Variants in ANAPC7 observed in about 807,000 individuals in gnomAD.
The protein encoded by ANAPC7 is anaphase promoting complex subunit 7, also known as anaphase-promoting complex subunit 7.
In ANAPC7, 25 loss-of-function variants were observed where a neutral mutation model predicts 63.3. The ratio of observed to expected loss-of-function variants is 0.39; its 90% CI spans 0.29 to 0.55. The LOEUF (loss-of-function observed/expected upper bound fraction) is 0.55. Ranked by LOEUF, ANAPC7 falls within the 20% of genes least tolerant of loss-of-function variation. The pLI, the probability that ANAPC7 is intolerant of heterozygous loss-of-function variation, is 0.57. For synonymous variants in ANAPC7, 241 were observed against 251.7 expected, an observed-to-expected ratio of 0.96 and a Z score of 0.40; for missense variants, 516 against 691.7, an observed-to-expected ratio of 0.75 and a Z score of 2.85.
chr12:110,387,740 A>T lies in ANAPC7; in HGVS notation c.673T>A (p.Cys225Ser). 1 of 1,610,928 alleles carries T rather than the reference A, an allele frequency of 6.2e-7. No individual in the cohort carries two copies. Among genetic ancestry groups the T allele is most frequent in the Non-Finnish European group, 8.5e-7 (1 of 1,177,356 alleles). ...GDNSRAISTI[C>S]SLEKKSLLRD... is the part of the protein sequence containing the mutation. Reference sequence around the variant, plus strand: ...CTGAATTAACTTTGTGGCTCTCACCAGATGGTACTGATTGCTCTTGAGTTG... The same window carrying T: ...CTGAATTAACTTTGTGGCTCTCACCTGATGGTACTGATTGCTCTTGAGTTG... The change falls in exon 5 of 11, where the codon TGT (cysteine) becomes AGT (serine). Residue 225 changes from cysteine to serine, a missense_variant and splice_region_variant. By Grantham distance (112) the Cys-to-Ser change is moderately radical. Coordinates refer to ENST00000455511, the MANE Select transcript of ANAPC7 (RefSeq NM_016238.3).
chr12:110,387,813 G>C lies in ANAPC7; in HGVS notation c.600C>G (p.Asp200Glu). 1 of 1,614,208 alleles carries C rather than the reference G, an allele frequency of 6.2e-7. No individual in the cohort carries two copies. Among genetic ancestry groups the C allele is most frequent in the South Asian group, 1.1e-5 (1 of 91,086 alleles). Residue 200 changes from aspartate (D) to glutamate (E), a missense_variant, in exon 5 of 11, where the codon GAC becomes GAG. By Grantham distance (45) the Asp-to-Glu change is conservative. This residue lies in a region of ANAPC7 where 199 missense variants were observed against 249.3 expected (regional missense o/e 0.80). Transcript: ENST00000455511. Reference protein sequence around the residue: ...MNVIQTVPNLDWLSVWIKAYA... With the variant: ...MNVIQTVPNLEWLSVWIKAYA... The stretch of plus-strand genomic sequence containing the variant: ...ACGCTTTGATCCACACAGAGAGCCA[G>C]TCCAAGTTAGGCACGGTTTGGATCA...
rs777534363 is a variant in ANAPC7, at chr12:110,388,623, T to C, written c.409A>G (p.Ile137Val). 4 of 1,611,288 alleles carry C rather than the reference T, an allele frequency of 2.5e-6. No individual in the cohort carries two copies. The highest frequency in any genetic ancestry group is 3.4e-6 in the Non-Finnish European group (4 of 1,177,560). ...TACAGGTTTGCCAGCATCATGTTTA[T>C]CTGTACAAACACAAATAACAGATAG... ...GIPSRQRTPKINMMLANLYKK... is the reference protein window; with the variant it reads ...GIPSRQRTPKVNMMLANLYKK... Residue 137 changes from isoleucine to valine, a missense_variant and splice_region_variant, in exon 4 of 11, where the codon ATA becomes GTA. Transcript: ENST00000455511.
In ANAPC7 at chr12:110,380,093, G is replaced by A. The variant is rs142621431; in HGVS notation, c.1132+1659C>T. The stretch of plus-strand genomic sequence containing the variant: ...AGGCCATGTACAGTGGTTCACGTCT[G>A]TAATCCCAGCACTTTAGGAGGCTGA... On this transcript the variant is annotated intron_variant, in intron 8 of 10. Transcript: ENST00000455511. 7.5e-4 allele frequency among the ~76,000 whole-genome samples: 115 copies of A among 152,366 alleles called. 1 individual carries two copies. Among genetic ancestry groups the A allele is most frequent in the Middle Eastern group, 3.4e-3 (1 of 294 alleles).
At chr12:110,389,874 G>A (rs1882951432) in intron 3 of ANAPC7, among the ~76,000 whole-genome samples, 1 of 151,812 alleles carries the variant, frequency 6.6e-6, no homozygotes, top group African/African-American at 2.4e-5. Context: ...AGAGCTTGCA[G>A]TGAGCCGAGA....
intron 1 of ANAPC7, among the ~76,000 whole-genome samples, chr12:110,400,468 T>A (rs2062212531): frequency 6.6e-6 from 1 of 152,194 alleles, no homozygotes; most frequent in African/African-American, 2.4e-5. Flanking sequence ...AACTTAAACA[T>A]GTCCTGAAGC....
intron 8 of ANAPC7, chr12:110,377,911 C>T: frequency 1.1e-6 from 1 of 924,444 alleles, no homozygotes; most frequent in South Asian, 2.2e-5. Flanking sequence ...CATCTGACCA[C>T]TGGAAGAATA....
At chr12:110,396,131 T>C (rs1294563593) in intron 2 of ANAPC7, 135 bp downstream of exon 2, 5 of 737,942 alleles carry the variant, frequency 6.8e-6, no homozygotes, top group Non-Finnish European at 1.1e-5. Flanking sequence ...TAATATTCAC[T>C]AGCCCTCCAC....
intron 7 of ANAPC7, among the ~76,000 whole-genome samples, chr12:110,382,461 AATATATATATAT>A (rs66967302): frequency 1.3e-4 from 4 of 30,856 alleles, no homozygotes; most frequent in African/African-American, 4.9e-4. Flanking sequence ...AAAAAAAAAA[AATATATATATAT>A]ATATATATAT....
intron 3 of ANAPC7, among the ~76,000 whole-genome samples, chr12:110,392,092 C>CAAAAAAAAAAAAAAAAAAAAA (rs1283316509): frequency 1.3e-4 from 2 of 14,846 alleles, no homozygotes; most frequent in African/African-American, 6.4e-4. Context: ...CTCCACCTCA[C>CAAAAAAAAAAAAAAAAAAAAA]AAAAAAAAAA....
At chr12:110,398,019 G>A (rs1021230716) in intron 1 of ANAPC7, among the ~76,000 whole-genome samples, 1 of 152,182 alleles carries the variant, frequency 6.6e-6, no homozygotes, top group Non-Finnish European at 1.5e-5. Flanking sequence ...GCCGAGGCAG[G>A]CAGATCACTG....
rs57434475 is a variant in ANAPC7, at chr12:110,376,568, C to CAAAAAAAAAAA, written c.1358-363_1358-353dup. On this transcript the variant is annotated intron_variant, in intron 9 of 10. Transcript: ENST00000455511. Reference sequence around the variant, plus strand: ...TGGGCAACAGAGCGAGACTCCATCTCAAAAAAAAAAAAAAAAAAGAAATTT... The same window carrying CAAAAAAAAAAA: ...TGGGCAACAGAGCGAGACTCCATCTCAAAAAAAAAAAAAAAAAAAAAAAAAAAAAGAAATTT... 2.0e-3 allele frequency among the ~76,000 whole-genome samples: 125 copies of CAAAAAAAAAAA among 62,376 alleles called. 10 individuals are homozygous for CAAAAAAAAAAA. Among genetic ancestry groups the CAAAAAAAAAAA allele is most frequent in the South Asian group, 6.8e-3 (10 of 1,480 alleles). 40.9% of individuals were successfully genotyped at this position (62,376 alleles called of 152,430 possible). A position where few individuals can be genotyped will look rare whatever the true frequency, so the allele number is the denominator to read the frequency against.
chr12:110,385,421 TCAAGC>T (rs1882366090), intron 6 of ANAPC7, among the ~76,000 whole-genome samples: 1 of 152,198 alleles, frequency 6.6e-6, no homozygotes, highest in Non-Finnish European at 1.5e-5. Context: ...AAAATTCCTC[TCAAGC>T]CAAGATTACT....
chr12:110,392,666 A>AAAT (rs1261768734), intron 3 of ANAPC7, among the ~76,000 whole-genome samples: 1 of 152,230 alleles, frequency 6.6e-6, no homozygotes, highest in Admixed American at 6.5e-5. Flanking sequence ...GTAACAGAAA[A>AAAT]AATACTATTC....
chr12:110,379,894 T>C (rs777094203), intron 8 of ANAPC7, among the ~76,000 whole-genome samples: 5 of 152,188 alleles, frequency 3.3e-5, no homozygotes, highest in Non-Finnish European at 5.9e-5. Context: ...TCAATTCACA[T>C]GAACTTAAAA....
In ANAPC7 at chr12:110,377,511, T is replaced by C. The variant is rs1447751237; in HGVS notation, c.1239A>G (p.Leu413=). The C allele has an allele frequency of 3.7e-6, 6 of 1,614,072 alleles. No homozygotes were observed. Among genetic ancestry groups the C allele is most frequent in the African/African-American group, 1.3e-5 (1 of 74,938 alleles). Residue 413 remains leucine (L), a synonymous_variant, in exon 9 of 11, where the codon TTA becomes TTG. Transcript: ENST00000455511. ...LGANAQTLTL[L]ATVCLEDPVT... is the part of the protein sequence containing the mutation. ...CTGGGTCTTCAAGACAAACGGTGGC[T>C]AAAAGGGTAAGGGTCTGTGCATTTG...
chr12:110,394,413 G>C (rs1883379747), intron 3 of ANAPC7, among the ~76,000 whole-genome samples: 1 of 150,862 alleles, frequency 6.6e-6, no homozygotes, highest in South Asian at 2.1e-4. Flanking sequence ...GATCACCTGA[G>C]GTCAGGAGTT....
chr12:110,402,897 G>A (rs1592937292), intron 1 of ANAPC7, among the ~76,000 whole-genome samples: 3 of 152,010 alleles, frequency 2.0e-5, no homozygotes, highest in East Asian at 3.9e-4. Context: ...CATCACGCCC[G>A]GCTAATTGTT....
chr12:110,392,671 CT>C (rs1216692813), intron 3 of ANAPC7, among the ~76,000 whole-genome samples: 5 of 152,138 alleles, frequency 3.3e-5, no homozygotes, highest in African/African-American at 1.2e-4. Flanking sequence ...AGAAAAAATA[CT>C]ATTCTTCTCA....
At chr12:110,377,704 C>T (rs966124513) in intron 8 of ANAPC7, 87 bp from the exon 9 acceptor site, 2 of 1,580,580 alleles carry the variant, frequency 1.3e-6, no homozygotes, top group South Asian at 2.3e-5. Context: ...AAATTGCTAA[C>T]CTTCAAAGTT....
Sources: gnomAD v4.1 joint callset for allele counts (sites outside exome capture counted in the v4.1 genomes callset) on GRCh38, gnomAD v4.1.1 for gene constraint, gnomAD v4.1.1 regional missense constraint, MANE v1.5 for transcripts, NCBI Gene and HGNC (gene_info 2026-07-23, HGNC 2026-07-21) for gene names.